Variants in GCA observed in about 807,000 individuals in gnomAD.
The protein encoded by GCA is grancalcin.
A neutral mutation model predicts 32.6 loss-of-function variants in GCA; 30 were observed. The observed-to-expected ratio is 0.92, with a 90% CI of 0.69 to 1.25. The LOEUF is 1.25. Among genes scored for constraint, GCA ranks in the 50% most tolerant of loss-of-function variants. The pLI, the probability that GCA is intolerant of heterozygous loss-of-function variation, is 0.00. For synonymous variants in GCA, 102 were observed against 84.6 expected (o/e 1.21, Z -1.13); for missense variants, 291 against 266.8 (o/e 1.09, Z -0.63).
intron 3 of GCA, 55 bp downstream of exon 3, chr2:162,352,462 C>G (rs900376578): frequency 3.3e-5 from 35 of 1,049,044 alleles, no homozygotes; most frequent in Middle Eastern, 2.1e-4. Context: ...TATTTTCTTA[C>G]TTTTTTTGTC....
rs1381476939 is a variant in GCA, at chr2:162,360,792, C to T, written c.*549C>T. 3 of 1,335,260 alleles carry T rather than the reference C, an allele frequency of 2.2e-6. No homozygotes were observed. The highest frequency in any genetic ancestry group is 2.9e-6 in the Non-Finnish European group (3 of 1,034,156). 82.7% of individuals were successfully genotyped at this position (1,335,260 alleles called of 1,614,324 possible). A position where few individuals can be genotyped will look rare whatever the true frequency, so the allele number is the denominator to read the frequency against. ...TTGTCTGTGAAGAAGAAAATTATCT[C>T]CCTAGTTCAATCTGTAGTGAAATAA... On this transcript the variant is annotated 3_prime_UTR_variant, in exon 8 of 8. Transcript: ENST00000437150.
rs1385348458 is a variant in GCA, at chr2:162,362,389, T to C, written c.*2146T>C. Reference sequence around the variant, plus strand: ...GCCTAGAGAATATTTTACCAGAATTTTTATACTGAAATACAGTTCACTTTT... The same window carrying C: ...GCCTAGAGAATATTTTACCAGAATTCTTATACTGAAATACAGTTCACTTTT... On this transcript the variant is annotated 3_prime_UTR_variant, in exon 8 of 8. Coordinates refer to ENST00000437150, the MANE Select transcript of GCA (RefSeq NM_012198.5). The C allele has an allele frequency of 1.0e-6, 1 of 978,092 alleles. No individual in the cohort carries two copies. Among genetic ancestry groups the C allele is most frequent in the Non-Finnish European group, 1.2e-6 (1 of 823,654 alleles). 60.6% of individuals were successfully genotyped at this position (978,092 alleles called of 1,614,324 possible).
At chr2:162,325,192 G>C (rs11888158) in intron 1 of GCA, among the ~76,000 whole-genome samples, 19,211 of 152,164 alleles carry the variant, frequency 0.13, 2,822 homozygotes, top group African/African-American at 0.33. Flanking sequence ...TAGAAGGGAG[G>C]TAACTGTTGT....
chr2:162,360,399 A>G lies in GCA; in HGVS notation c.*156A>G. ...GTTTTTATTTTAGCAGATAGTTCAAAGCAATAAAAGATTTCTTTTTTAATT... is the reference window on the plus strand; with the variant it reads ...GTTTTTATTTTAGCAGATAGTTCAAGGCAATAAAAGATTTCTTTTTTAATT... On this transcript the variant is annotated 3_prime_UTR_variant, in exon 8 of 8. Transcript: ENST00000437150. The G allele has an allele frequency of 7.8e-7, 1 of 1,289,014 alleles. No individual in the cohort carries two copies. The highest frequency in any genetic ancestry group is 1.0e-6 in the Non-Finnish European group (1 of 999,400). 79.8% of individuals were successfully genotyped at this position (1,289,014 alleles called of 1,614,324 possible).
chr2:162,358,345 A>G (rs548325826), intron 5 of GCA, among the ~76,000 whole-genome samples: 21 of 151,682 alleles, frequency 1.4e-4, no homozygotes, highest in Admixed American at 2.6e-4. Flanking sequence ...TCAAACAATA[A>G]TACATGTATA....
chr2:162,328,823 A>AT (rs911076021), intron 1 of GCA, among the ~76,000 whole-genome samples: 8 of 152,212 alleles, frequency 5.3e-5, no homozygotes, highest in African/African-American at 1.9e-4. Context: ...GGCTTGGAGA[A>AT]TGAGTGCAAG....
chr2:162,358,053 A>G lies in GCA; in HGVS notation c.455-991A>G, dbSNP rs76810840. On this transcript the variant is annotated intron_variant, in intron 5 of 7. Transcript: ENST00000437150. ...TTCTTTCAATTTATACCTTTCCCAC[A>G]TTACATTCTATTATAGCTGCATGTA... Among the ~76,000 whole-genome samples the G allele has an allele frequency of 4.9e-3, 750 of 151,596 alleles. 1 individual carries two copies. Among genetic ancestry groups the G allele is most frequent in the Middle Eastern group, 0.02 (6 of 294 alleles).
intron 1 of GCA, among the ~76,000 whole-genome samples, chr2:162,335,859 G>C (rs1684253828): frequency 6.6e-6 from 1 of 152,172 alleles, no homozygotes; most frequent in South Asian, 2.1e-4. Context: ...TCCAGAGTTA[G>C]CATGGATGAT....
intron 1 of GCA, among the ~76,000 whole-genome samples, chr2:162,326,273 C>A (rs1267860794): frequency 6.6e-6 from 1 of 152,154 alleles, no homozygotes; most frequent in Non-Finnish European, 1.5e-5. Flanking sequence ...TTCCAATTGC[C>A]AGATGGTATT....
chr2:162,343,769 G>A (rs1456139865), upstream of GCA, among the ~76,000 whole-genome samples: 1 of 152,218 alleles, frequency 6.6e-6, no homozygotes, highest in Non-Finnish European at 1.5e-5. Context: ...TGGAGGGCTG[G>A]TTAAAATAAG....
intron 1 of GCA, among the ~76,000 whole-genome samples, chr2:162,326,438 G>A (rs1001703080): frequency 3.3e-5 from 5 of 152,216 alleles, no homozygotes; most frequent in African/African-American, 1.2e-4. Context: ...AGGAGTATAA[G>A]CTGAGGGTGG....
intron 1 of GCA, among the ~76,000 whole-genome samples, chr2:162,322,557 C>G (rs1683713812): frequency 1.8e-5 from 2 of 112,842 alleles, no homozygotes; most frequent in East Asian, 3.3e-4. Context: ...TCCCTCCCCC[C>G]TCCCCCCACC....
At chr2:162,357,082 T>C in intron 5 of GCA, 177 bp downstream of exon 5, 1 of 466,222 alleles carries the variant, frequency 2.1e-6, no homozygotes, top group East Asian at 3.1e-5. Context: ...CAAAACCATT[T>C]TAATTATGAT....
Position 162,352,434 on chromosome 2 carries a change from A to T in GCA, c.262+27A>T, listed in dbSNP as rs77450057. ...TGAGATCTTTTTTCCCCTTTTGTTG[A>T]AATTATAATAGGAAGTTTATTTTCT... On this transcript the variant is annotated intron_variant, in intron 3 of 7. Coordinates refer to ENST00000437150, the MANE Select transcript of GCA (RefSeq NM_012198.5). The T allele has an allele frequency of 3.4e-5, 44 of 1,283,182 alleles. No homozygotes were observed. In the South Asian group the frequency reaches 5.2e-4, roughly 15 times the overall value. The allele number at this position is 1,283,182 out of a possible 1,614,324, so 79.5% of individuals were successfully genotyped here. A position where few individuals can be genotyped will look rare whatever the true frequency, so the allele number is the denominator to read the frequency against.
At position 162,361,726 on chromosome 2, in the gene GCA, C is replaced by CT; in HGVS notation, c.*1489dup. ...TAATACACATAATTTTGTTCTCTGG[C>CT]TTTTTTATGAACATATATTTGATAA... On this transcript the variant is annotated 3_prime_UTR_variant, in exon 8 of 8. Coordinates refer to ENST00000437150, the MANE Select transcript of GCA (RefSeq NM_012198.5). 1 of 982,202 alleles carries CT rather than the reference C, an allele frequency of 1.0e-6. No homozygotes were observed. Among genetic ancestry groups the CT allele is most frequent in the Non-Finnish European group, 1.2e-6 (1 of 827,312 alleles). 60.8% of individuals were successfully genotyped at this position (982,202 alleles called of 1,614,324 possible). A position where few individuals can be genotyped will look rare whatever the true frequency, so the allele number is the denominator to read the frequency against.
rs1685505223 is a variant in GCA at position 162,360,209 on chromosome 2, T to C, written c.628-8T>C. 4 of 1,461,532 alleles carry C rather than the reference T, an allele frequency of 2.7e-6. No individual in the cohort carries two copies. The highest frequency in any genetic ancestry group is 3.8e-6 in the Non-Finnish European group (4 of 1,049,766). The allele number at this position is 1,461,532 out of a possible 1,614,324, so 90.5% of individuals were successfully genotyped here. ...TCTTAATAGATAATAATTTCACTTA[T>C]GTATTAGTTTTTGCAGGGCACTATG... is the stretch of plus-strand genomic sequence containing the variant. On this transcript the variant is annotated splice_polypyrimidine_tract_variant and splice_region_variant and intron_variant, in intron 7 of 7. Coordinates refer to ENST00000437150, the MANE Select transcript of GCA (RefSeq NM_012198.5).
intron 1 of GCA, among the ~76,000 whole-genome samples, chr2:162,323,092 T>G (rs1346936336): frequency 6.6e-6 from 1 of 151,820 alleles, no homozygotes; most frequent in Non-Finnish European, 1.5e-5. Flanking sequence ...TTTTTAATGA[T>G]TGCCATTCTA....
intron 1 of GCA, among the ~76,000 whole-genome samples, chr2:162,324,679 T>G (rs377417001): frequency 1.5e-4 from 23 of 152,134 alleles, no homozygotes; most frequent in South Asian, 2.1e-4. Flanking sequence ...TCTGTGAGGG[T>G]AAAGCCCTAG....
chr2:162,352,848 T>C (rs555596516), intron 3 of GCA, among the ~76,000 whole-genome samples: 1 of 152,214 alleles, frequency 6.6e-6, no homozygotes, highest in South Asian at 2.1e-4. Context: ...TAGTAACTTT[T>C]GTTAGGTATG....
Sources: gnomAD v4.1 joint callset for allele counts (sites outside exome capture counted in the v4.1 genomes callset) on GRCh38, gnomAD v4.1.1 for gene constraint, MANE v1.5 for transcripts, NCBI Gene and HGNC (gene_info 2026-07-23, HGNC 2026-07-21) for gene names.